Variants in MRTFA observed in about 807,000 individuals in gnomAD.
MRTFA encodes the protein myocardin-related transcription factor A.
In MRTFA, 20 loss-of-function variants were observed where a neutral mutation model predicts 83.5. That is an observed-to-expected ratio of 0.24 (90% confidence interval 0.17 to 0.35). The LOEUF is 0.35. Among genes scored for constraint, MRTFA ranks in the 10% least tolerant of loss-of-function variants. The probability of loss-of-function intolerance (pLI) is 1.00; values close to 1 mark genes in which losing one functional copy is unlikely to be tolerated. For missense variants in MRTFA, 1,200 were observed against 1,224.7 expected, an observed-to-expected ratio of 0.98 and a Z score of 0.30; for synonymous variants, 659 against 541.2, an observed-to-expected ratio of 1.22 and a Z score of -3.02.
At chr22:40,507,624 A>G (rs1321080247) in intron 3 of MRTFA, among the ~76,000 whole-genome samples, 2 of 151,856 alleles carry the variant, frequency 1.3e-5, no homozygotes, top group African/African-American at 4.8e-5. Context: ...CTGAAAGAAA[A>G]AAAAAAATTG....
intron 3 of MRTFA, among the ~76,000 whole-genome samples, chr22:40,531,624 G>C (rs901124466): frequency 6.6e-6 from 1 of 152,022 alleles, no homozygotes; most frequent in Non-Finnish European, 1.5e-5. Flanking sequence ...TATTCATATA[G>C]GTTAAAATAT....
chr22:40,424,517 G>A lies in MRTFA; in HGVS notation c.602-136C>T, dbSNP rs1358584137. On this transcript the variant is annotated intron_variant, in intron 7 of 14. Transcript: ENST00000355630. The stretch of plus-strand genomic sequence containing the variant: ...CCCCGTGAGGCAGGCAAGCCGAGGA[G>A]ACTAGCAGCCAATCTGCTTTCTTGG... The A allele has an allele frequency of 9.0e-6, 8 of 888,440 alleles. 1 individual carries two copies. The highest frequency in any genetic ancestry group is 4.8e-5 in the South Asian group (3 of 62,244). The allele number at this position is 888,440 out of a possible 1,614,324, so 55.0% of individuals were successfully genotyped here.
intron 3 of MRTFA, among the ~76,000 whole-genome samples, chr22:40,530,860 C>T (rs535204102): frequency 6.6e-6 from 1 of 152,144 alleles, no homozygotes; most frequent in East Asian, 1.9e-4. Context: ...AATATAAGAA[C>T]AGATCTCAAA....
intron 4 of MRTFA, among the ~76,000 whole-genome samples, chr22:40,461,180 G>A (rs1028516822): frequency 7.5e-6 from 1 of 133,430 alleles, no homozygotes; most frequent in African/African-American, 2.9e-5. Flanking sequence ...ACTTTAGCCT[G>A]GATGACAGAG....
Position 40,424,355 on chromosome 22 carries a change from C to T in MRTFA, c.628G>A (p.Ala210Thr), listed in dbSNP as rs2052908523. Residue 210 changes from alanine (A) to threonine (T), a missense_variant, in exon 8 of 15, where the codon GCA becomes ACA. Physicochemically the swap from Ala to Thr is moderately conservative, Grantham distance 58. Transcript: ENST00000355630. Reference sequence around the variant, plus strand: ...TCCTCATCGAAGGAAGAGCTGTCTGCTACTTTGGGATAGTTCACCTGGCCC... The same window carrying T: ...TCCTCATCGAAGGAAGAGCTGTCTGTTACTTTGGGATAGTTCACCTGGCCC... 6.2e-7 allele frequency: 1 copy of T among 1,613,618 alleles called. No homozygotes were observed. The highest frequency in any genetic ancestry group is 1.3e-5 in the African/African-American group (1 of 75,022).
chr22:40,411,578 G>A lies in MRTFA; in HGVS notation c.2908C>T (p.Pro970Ser). Residue 970 changes from proline (P) to serine (S), a missense_variant, in exon 15 of 15, where the codon CCT becomes TCT. Around this residue, in one of 2 missense-constraint regions of MRTFA, gnomAD observed 1,107 missense variants for 1,041.8 expected, o/e 1.06. Coordinates refer to ENST00000355630, the MANE Select transcript of MRTFA (RefSeq NM_020831.6). ...AGGCCCATGGTGCTGCTGGGCTCAGGAACAAAGTGCAATTCCGAGGTGTCC... is the reference window on the plus strand; with the variant it reads ...AGGCCCATGGTGCTGCTGGGCTCAGAAACAAAGTGCAATTCCGAGGTGTCC... 1 of 1,613,892 alleles carries A rather than the reference G, an allele frequency of 6.2e-7. No homozygotes were observed. The highest frequency in any genetic ancestry group is 8.5e-7 in the Non-Finnish European group (1 of 1,179,988).
At chr22:40,636,276 G>A (rs1423285817) in intron 1 of MRTFA, among the ~76,000 whole-genome samples, 3 of 151,962 alleles carry the variant, frequency 2.0e-5, no homozygotes, top group African/African-American at 7.2e-5. Context: ...CCGGGTCCCA[G>A]CCCCGGCACA....
chr22:40,495,320 C>A (rs898385897), intron 3 of MRTFA, among the ~76,000 whole-genome samples: 1 of 152,052 alleles, frequency 6.6e-6, no homozygotes, highest in Non-Finnish European at 1.5e-5. Context: ...GGTGTGGTGG[C>A]GGGCGCCTGT....
At chr22:40,523,909 T>G (rs2054914909) in intron 3 of MRTFA, among the ~76,000 whole-genome samples, 1 of 152,146 alleles carries the variant, frequency 6.6e-6, no homozygotes, top group Non-Finnish European at 1.5e-5. Context: ...CAAGAGAATA[T>G]ACTAAGAAAA....
chr22:40,458,179 A>C (rs1407925931), intron 4 of MRTFA, among the ~76,000 whole-genome samples: 1 of 152,202 alleles, frequency 6.6e-6, no homozygotes, highest in African/African-American at 2.4e-5. Flanking sequence ...GATATGTGCG[A>C]GACATCATTA....
chr22:40,433,176 A>G, intron 5 of MRTFA: 1 of 165,916 alleles, frequency 6.0e-6, no homozygotes. Flanking sequence ...CTGAAACCTG[A>G]CTACCTAGAG....
intron 3 of MRTFA, among the ~76,000 whole-genome samples, chr22:40,476,737 C>T (rs2054003371): frequency 6.6e-6 from 1 of 151,942 alleles, no homozygotes; most frequent in South Asian, 2.1e-4. Flanking sequence ...CAGATATGAA[C>T]CACCGCGCAG....
chr22:40,475,435 G>C (rs150346516), intron 3 of MRTFA, among the ~76,000 whole-genome samples: 1 of 152,090 alleles, frequency 6.6e-6, no homozygotes, highest in African/African-American at 2.4e-5. Context: ...TACCAGGGAG[G>C]CTGTGGCAGG....
intron 1 of MRTFA, among the ~76,000 whole-genome samples, chr22:40,633,895 T>C (rs959802011): frequency 2.6e-5 from 4 of 152,136 alleles, no homozygotes; most frequent in African/African-American, 9.7e-5. Context: ...CCGTATACCA[T>C]ACTTTTAAGT....
intron 1 of MRTFA, among the ~76,000 whole-genome samples, chr22:40,614,180 C>A (rs1345146589): frequency 1.3e-5 from 2 of 150,138 alleles, no homozygotes; most frequent in Non-Finnish European, 3.0e-5. Flanking sequence ...CCAGCCTGGG[C>A]AACAAGAGCA....
chr22:40,428,402 G>A (rs1050438924), intron 7 of MRTFA, among the ~76,000 whole-genome samples: 4 of 152,170 alleles, frequency 2.6e-5, no homozygotes, highest in African/African-American at 9.7e-5. Context: ...ATTCTGTATT[G>A]AGTGTAAATA....
At chr22:40,586,415 C>G (rs757339956) in intron 2 of MRTFA, among the ~76,000 whole-genome samples, 15 of 152,068 alleles carry the variant, frequency 9.9e-5, no homozygotes, top group Non-Finnish European at 2.1e-4. Context: ...ACCACTAAAC[C>G]ACTCTAGCCA....
At chr22:40,526,726 C>T (rs2054980839) in intron 3 of MRTFA, 1 of 152,156 alleles carries the variant, frequency 6.6e-6, no homozygotes, top group East Asian at 1.9e-4. Flanking sequence ...TGTCCTTAAG[C>T]TTTTGAACCT....
chr22:40,558,086 CTTTCTTTTTT>C (rs2055556087), intron 2 of MRTFA, among the ~76,000 whole-genome samples: 1 of 149,462 alleles, frequency 6.7e-6, no homozygotes, highest in Admixed American at 6.7e-5. Context: ...CTTTTTCTTT[CTTTCTTTTTT>C]TTTTTAAGGG....
Sources: allele counts gnomAD v4.1 joint callset (sites outside exome capture counted in the v4.1 genomes callset), GRCh38; gene constraint gnomAD v4.1.1; regional missense constraint gnomAD v4.1.1; transcripts MANE v1.5; gene names NCBI Gene and HGNC (gene_info 2026-07-23, HGNC 2026-07-21).